The following SLC38A6 variants were observed in gnomAD, a reference collection of about 807,000 sequenced individuals.
The protein encoded by SLC38A6 is N system amino acid transporter NAT-1.
In SLC38A6, 73 loss-of-function variants were observed where a neutral mutation model predicts 65.0. The observed-to-expected ratio is 1.12, with a 90% CI of 0.93 to 1.37. The LOEUF (loss-of-function observed/expected upper bound fraction) is 1.37, where lower values mean the gene tolerates loss of function less well. Ranked by LOEUF, SLC38A6 falls within the 40% of genes most tolerant of loss-of-function variation. SLC38A6 has a pLI of 0.00. For missense variants in SLC38A6, 561 were observed against 531.1 expected, an observed-to-expected ratio of 1.06 and a Z score of -0.55; for synonymous variants, 183 against 178.8, an observed-to-expected ratio of 1.02 and a Z score of -0.19.
At chr14:61,009,866 G>A (rs1447808504) in intron 3 of SLC38A6, among the ~76,000 whole-genome samples, 2 of 152,180 alleles carry the variant, frequency 1.3e-5, no homozygotes, top group East Asian at 3.8e-4. Context: ...CTTTATAGAA[G>A]CATGATTTAT....
intron 15 of SLC38A6, among the ~76,000 whole-genome samples, chr14:61,069,129 C>T (rs1050676502): frequency 3.9e-5 from 6 of 152,162 alleles, no homozygotes; most frequent in Non-Finnish European, 7.4e-5. Flanking sequence ...CTGAGGGTTA[C>T]GACCCAGGCA....
At chr14:61,052,304 T>A (rs2042552407) in intron 15 of SLC38A6, 45 bp from the exon 16 acceptor site, 1 of 1,460,276 alleles carries the variant, frequency 6.8e-7, no homozygotes, top group Admixed American at 2.3e-5. Flanking sequence ...TTTATCTTTT[T>A]TCTTTTATCT....
chr14:61,016,206 A>T (rs1037192987), intron 4 of SLC38A6, among the ~76,000 whole-genome samples: 1 of 152,206 alleles, frequency 6.6e-6, no homozygotes, highest in Non-Finnish European at 1.5e-5. Flanking sequence ...AAGTAGCACA[A>T]TGACTTGAAT....
Position 61,037,678 on chromosome 14 carries a change from CT to C in SLC38A6, c.621del (p.Val208TrpfsTer2), listed in dbSNP as rs779298682. ...ATTTTTCTTTATGATGTTCTTTGCT[CT>C]TGTGGTAAGTTTAAAATATAATACA... ...LSFFFMMFFA[L>X]VVIIKKWSIP... On this transcript the variant is annotated frameshift_variant, in exon 8 of 16. Transcript: ENST00000267488. LOFTEE classifies it high-confidence loss of function. The C allele has an allele frequency of 5.0e-6, 8 of 1,584,898 alleles. No homozygotes were observed. The South Asian group carries it at 9.1e-5, about 18-fold the overall frequency.
At chr14:61,027,605 T>C (rs2040678684) in intron 5 of SLC38A6, among the ~76,000 whole-genome samples, 1 of 152,174 alleles carries the variant, frequency 6.6e-6, no homozygotes, top group Admixed American at 6.6e-5. Context: ...AGTATATCTT[T>C]AAAACTTTTC....
chr14:61,077,230 T>C (rs1405020426), intron 15 of SLC38A6, among the ~76,000 whole-genome samples: 1 of 152,190 alleles, frequency 6.6e-6, no homozygotes, highest in Non-Finnish European at 1.5e-5. Context: ...AGACCAACAC[T>C]TGGAAACTAT....
At chr14:61,020,259 A>G (rs1310009867) in intron 5 of SLC38A6, among the ~76,000 whole-genome samples, 1 of 152,104 alleles carries the variant, frequency 6.6e-6, no homozygotes, top group Admixed American at 6.5e-5. Flanking sequence ...GTGCTGAACA[A>G]TATCTTCGTT....
intron 15 of SLC38A6, among the ~76,000 whole-genome samples, chr14:61,070,017 T>G (rs2043176324): frequency 6.6e-6 from 1 of 152,208 alleles, no homozygotes; most frequent in African/African-American, 2.4e-5. Flanking sequence ...TTCTCTTTAC[T>G]TAACATTATG....
At chr14:61,007,354 A>T (rs1420057762) in intron 3 of SLC38A6, among the ~76,000 whole-genome samples, 1 of 151,978 alleles carries the variant, frequency 6.6e-6, no homozygotes, top group African/African-American at 2.4e-5. Context: ...AACAGACCAG[A>T]TGCAGTGGCT....
Position 60,983,787 on chromosome 14 carries a change from T to TG in SLC38A6, c.237-943_237-942insG, listed in dbSNP as rs1334351803. ...TTAAGCAAGACATAGTCAGAGGACT[T>TG]TTTTTTTGATTCTCTTTGAAAAATC... On this transcript the variant is annotated intron_variant, in intron 2 of 15. Coordinates refer to ENST00000267488, the MANE Select transcript of SLC38A6 (RefSeq NM_153811.3). 9.2e-5 allele frequency among the ~76,000 whole-genome samples: 14 copies of TG among 152,156 alleles called. No individual in the cohort carries two copies. The East Asian group carries it at 2.5e-3, about 27-fold the overall frequency.
intron 8 of SLC38A6, 63 bp downstream of exon 8, chr14:61,037,746 T>C: frequency 9.0e-7 from 1 of 1,106,928 alleles, no homozygotes; most frequent in South Asian, 1.6e-5. Context: ...TGTGTTAGTC[T>C]TTTTTACTTT....
chr14:61,073,530 G>A lies in SLC38A6; in HGVS notation c.1291-5280G>A, dbSNP rs1305661059. On this transcript the variant is annotated intron_variant, in intron 15 of 16. Coordinates refer to the SLC38A6 transcript ENST00000354886. ...CCTGTATTATCATTAACTCAGAAAG[G>A]CCAACTAATCCTTGGATCTATTATC... is the stretch of plus-strand genomic sequence containing the variant. Among the ~76,000 whole-genome samples the A allele has an allele frequency of 2.0e-5, 3 of 151,906 alleles. No homozygotes were observed. The East Asian group carries it at 5.8e-4, about 29-fold the overall frequency.
intron 3 of SLC38A6, among the ~76,000 whole-genome samples, chr14:61,003,570 A>C (rs2038858531): frequency 6.6e-6 from 1 of 152,178 alleles, no homozygotes; most frequent in Admixed American, 6.6e-5. Flanking sequence ...ATACCAGTTT[A>C]CACTGTTTTC....
chr14:61,014,600 A>G (rs1290289748), intron 3 of SLC38A6, among the ~76,000 whole-genome samples: 2 of 152,078 alleles, frequency 1.3e-5, no homozygotes, highest in Non-Finnish European at 2.9e-5. Context: ...TTTCCTTCTA[A>G]CAGTTAGGAC....
intron 3 of SLC38A6, among the ~76,000 whole-genome samples, chr14:60,993,966 A>G (rs1015284700): frequency 6.6e-6 from 1 of 152,152 alleles, no homozygotes; most frequent in Non-Finnish European, 1.5e-5. Flanking sequence ...GACAACAGGA[A>G]CTCTCATTCA....
intron 3 of SLC38A6, among the ~76,000 whole-genome samples, chr14:61,006,469 A>G (rs1270684835): frequency 2.0e-5 from 3 of 152,226 alleles, no homozygotes; most frequent in African/African-American, 7.2e-5. Flanking sequence ...AATGAACTCA[A>G]ACAAATTTAC....
intron 3 of SLC38A6, among the ~76,000 whole-genome samples, chr14:61,005,913 C>T (rs2039075450): frequency 6.6e-6 from 1 of 152,102 alleles, no homozygotes; most frequent in Non-Finnish European, 1.5e-5. Context: ...CATCACGCTA[C>T]CTGACTTCAA....
chr14:61,026,568 G>A (rs1448916805), intron 5 of SLC38A6, among the ~76,000 whole-genome samples: 3 of 152,042 alleles, frequency 2.0e-5, no homozygotes, highest in South Asian at 2.1e-4. Context: ...GCATTCAAAA[G>A]TAGTTTGTTT....
intron 3 of SLC38A6, among the ~76,000 whole-genome samples, chr14:61,006,979 A>C (rs1423768922): frequency 6.6e-6 from 1 of 152,228 alleles, no homozygotes; most frequent in African/African-American, 2.4e-5. Flanking sequence ...TACACCATGG[A>C]ATACTATGCA....
Sources: gnomAD v4.1 joint callset for allele counts (sites outside exome capture counted in the v4.1 genomes callset) on GRCh38, gnomAD v4.1.1 for gene constraint, MANE v1.5 for transcripts, NCBI Gene and HGNC (gene_info 2026-07-23, HGNC 2026-07-21) for gene names.